Variants in RELN observed in about 807,000 individuals in gnomAD.
RELN encodes reelin.
In RELN, 108 loss-of-function variants were observed where a neutral mutation model predicts 427.6. The observed-to-expected ratio is 0.25, with a 90% confidence interval of 0.22 to 0.30. The LOEUF (loss-of-function observed/expected upper bound fraction) is 0.30, where lower values mean the gene tolerates loss of function less well. RELN is among the 10% of genes least tolerant of loss of function. The pLI, the probability that RELN is intolerant of heterozygous loss-of-function variation, is 1.00. For missense variants in RELN, 3,715 were observed against 4,302.8 expected (o/e 0.86, Z 3.82); for synonymous variants, 1,524 against 1,513.4 (o/e 1.01, Z -0.16).
chr7:103,831,359 A>G (rs1056271353), intron 3 of RELN, among the ~76,000 whole-genome samples: 4 of 152,132 alleles, frequency 2.6e-5, no homozygotes, highest in Non-Finnish European at 5.9e-5. Flanking sequence ...ATTTTCCTTG[A>G]CATCTTACAT....
chr7:103,557,014 A>C lies in RELN; in HGVS notation c.5760T>G (p.Asn1920Lys), dbSNP rs1830538110. Residue 1920 changes from asparagine to lysine, a missense_variant, in exon 38 of 65, where the codon AAT (asparagine) becomes AAG (lysine). Transcript: ENST00000428762. ...NVPLPYTAQT[N>K]ATRFRLWQPY... is the part of the protein sequence containing the mutation. ...GTTGCCAGAGTCTGAATCTTGTAGC[A>C]TTGGTTTGGGCAGTGTATGGCAAGG... The C allele has an allele frequency of 6.2e-6, 10 of 1,613,848 alleles. No homozygotes were observed. Among genetic ancestry groups the C allele is most frequent in the Non-Finnish European group, 8.5e-6 (10 of 1,179,744 alleles).
intron 2 of RELN, among the ~76,000 whole-genome samples, chr7:103,849,515 G>T (rs534945254): frequency 2.6e-5 from 4 of 152,214 alleles, no homozygotes; most frequent in Non-Finnish European, 4.4e-5. Context: ...TATAGATGTA[G>T]GTCTAAATTT....
chr7:103,766,945 T>C (rs1206910353), intron 4 of RELN, among the ~76,000 whole-genome samples: 4 of 152,250 alleles, frequency 2.6e-5, no homozygotes, highest in African/African-American at 9.6e-5. Flanking sequence ...GGGTGGTTTA[T>C]AAATGGCACG....
chr7:103,593,675 T>TA lies in RELN; in HGVS notation c.3912+6dup. The TA allele has an allele frequency of 6.2e-7, 1 of 1,610,758 alleles. No homozygotes were observed. Among genetic ancestry groups the TA allele is most frequent in the Non-Finnish European group, 8.5e-7 (1 of 1,176,970 alleles). ...CTTGCTCTGGGAAGAAGCTTGTGCA[T>TA]AAATACCTTGAACTGTAGCACATAT... is the stretch of plus-strand genomic sequence containing the variant. On this transcript the variant is annotated splice_region_variant and intron_variant, in intron 27 of 64. Coordinates refer to ENST00000428762, the MANE Select transcript of RELN (RefSeq NM_005045.4).
At chr7:103,708,342 GA>G (rs1377610855) in intron 8 of RELN, among the ~76,000 whole-genome samples, 5 of 150,212 alleles carry the variant, frequency 3.3e-5, no homozygotes, top group Admixed American at 2.6e-4. Flanking sequence ...CTGTCATTCA[GA>G]AAAAAAAGTA....
chr7:103,547,359 C>T (rs1339529023), intron 41 of RELN, among the ~76,000 whole-genome samples: 2 of 152,198 alleles, frequency 1.3e-5, no homozygotes, highest in East Asian at 1.9e-4. Flanking sequence ...TGCAGTGGCA[C>T]GATCTTGGCT....
intron 2 of RELN, among the ~76,000 whole-genome samples, chr7:103,900,802 A>C (rs1292328280): frequency 6.6e-6 from 1 of 152,118 alleles, no homozygotes; most frequent in Non-Finnish European, 1.5e-5. Flanking sequence ...CAGAAAACTG[A>C]AGCTGCACCC....
At position 103,728,309 on chromosome 7, in the gene RELN, A is replaced by C. The variant is rs560234086; in HGVS notation, c.657-102T>G. The stretch of plus-strand genomic sequence containing the variant: ...ATAATATTTATTGTTACTCAGCTCA[A>C]ATCACCATTTTGAGGAAAGTAGGAG... On this transcript the variant is annotated intron_variant, in intron 6 of 64. Transcript: ENST00000428762. 21 of 1,131,166 alleles carry C rather than the reference A, an allele frequency of 1.9e-5. No homozygotes were observed. In the East Asian group the frequency reaches 4.2e-4, roughly 22 times the overall value. The allele number at this position is 1,131,166 out of a possible 1,614,324, so 70.1% of individuals were successfully genotyped here. A position where few individuals can be genotyped will look rare whatever the true frequency, so the allele number is the denominator to read the frequency against.
At chr7:103,619,124 A>G (rs755975317) in intron 20 of RELN, among the ~76,000 whole-genome samples, 4 of 151,864 alleles carry the variant, frequency 2.6e-5, no homozygotes, top group Non-Finnish European at 1.5e-5. Flanking sequence ...AAAAAAAAAA[A>G]AATTCAGCAT....
chr7:103,906,751 T>C (rs1795215171), intron 2 of RELN, among the ~76,000 whole-genome samples: 1 of 152,024 alleles, frequency 6.6e-6, no homozygotes, highest in East Asian at 1.9e-4. Flanking sequence ...AAGGTTAGGG[T>C]AAAAACATGA....
intron 46 of RELN, among the ~76,000 whole-genome samples, chr7:103,533,655 G>A (rs914636716): frequency 6.6e-6 from 1 of 152,124 alleles, no homozygotes; most frequent in African/African-American, 2.4e-5. Context: ...AGGGGGAAAT[G>A]GATGCTCATC....
intron 2 of RELN, among the ~76,000 whole-genome samples, chr7:103,871,565 G>C (rs114389238): frequency 6.6e-6 from 1 of 152,088 alleles, no homozygotes; most frequent in Admixed American, 6.6e-5. Flanking sequence ...TTGCCTCAGT[G>C]ACTTAGTTGT....
chr7:103,515,299 C>T lies in RELN; in HGVS notation c.8005G>A (p.Val2669Ile), dbSNP rs375985673. 9.4e-5 allele frequency: 152 copies of T among 1,614,012 alleles called. No homozygotes were observed. The highest frequency in any genetic ancestry group is 6.6e-4 in the Middle Eastern group (4 of 6,084). ...LISGSADQRT[V>I]MLDTFSSAPV... is the part of the protein sequence containing the mutation. ...GCGCTGCTGAAGGTGTCCAGCATAACGGTCCTTTGGTCAGCAGAGCCTGAG... is the reference window on the plus strand; with the variant it reads ...GCGCTGCTGAAGGTGTCCAGCATAATGGTCCTTTGGTCAGCAGAGCCTGAG... The change falls in exon 50 of 65, where the codon GTT (valine) becomes ATT (isoleucine). Residue 2669 changes from valine (V) to isoleucine (I), a missense_variant. Physicochemically the swap from Val to Ile is conservative, Grantham distance 29. Transcript: ENST00000428762.
intron 5 of RELN, among the ~76,000 whole-genome samples, chr7:103,750,770 A>G (rs1790979203): frequency 6.6e-6 from 1 of 152,212 alleles, no homozygotes; most frequent in African/African-American, 2.4e-5. Context: ...TGCATAAGAG[A>G]ATTTATCTAT....
intron 12 of RELN, among the ~76,000 whole-genome samples, chr7:103,657,473 G>A (rs553018831): frequency 6.6e-6 from 1 of 152,106 alleles, no homozygotes; most frequent in African/African-American, 2.4e-5. Flanking sequence ...ATAATCACAG[G>A]CAGTGTGGGT....
chr7:103,522,554 T>C lies in RELN; in HGVS notation c.7491-355A>G, dbSNP rs569024828. On this transcript the variant is annotated intron_variant, in intron 47 of 64. Coordinates refer to ENST00000428762, the MANE Select transcript of RELN (RefSeq NM_005045.4). ...GGTGGGTCCTAATAATTTACAAAATTAGTCTTTTTAACAGAGGCTTTGAGC... is the reference window on the plus strand; with the variant it reads ...GGTGGGTCCTAATAATTTACAAAATCAGTCTTTTTAACAGAGGCTTTGAGC... Among the ~76,000 whole-genome samples the C allele has an allele frequency of 2.0e-5, 3 of 152,252 alleles. No homozygotes were observed. The East Asian group carries it at 5.8e-4, about 29-fold the overall frequency.
At chr7:103,863,768 T>C (rs1794127131) in intron 2 of RELN, among the ~76,000 whole-genome samples, 2 of 152,010 alleles carry the variant, frequency 1.3e-5, no homozygotes, top group African/African-American at 2.4e-5. Flanking sequence ...TCCAAGACCA[T>C]ACGATGGAAT....
intron 28 of RELN, among the ~76,000 whole-genome samples, chr7:103,580,773 T>C (rs1010505616): frequency 4.6e-5 from 7 of 152,154 alleles, no homozygotes; most frequent in Non-Finnish European, 8.8e-5. Flanking sequence ...ACTGTCTCAT[T>C]CTTACGCCTT....
intron 6 of RELN, among the ~76,000 whole-genome samples, chr7:103,729,450 T>C (rs553975106): frequency 6.6e-6 from 1 of 152,304 alleles, no homozygotes; most frequent in African/African-American, 2.4e-5. Flanking sequence ...GATTAAATGA[T>C]ATTATTTTCA....
Sources: gnomAD v4.1 joint callset for allele counts (sites outside exome capture counted in the v4.1 genomes callset) on GRCh38, gnomAD v4.1.1 for gene constraint, MANE v1.5 for transcripts, NCBI Gene and HGNC (gene_info 2026-07-23, HGNC 2026-07-21) for gene names.